Variants in CTNNA2 observed in about 807,000 individuals in gnomAD.
The protein encoded by CTNNA2 is catenin alpha-2.
In CTNNA2, 42 loss-of-function variants were observed where a neutral mutation model predicts 101.0. That is an observed-to-expected ratio of 0.42 (90% CI 0.32 to 0.54). CTNNA2 has a LOEUF of 0.54. CTNNA2 is among the 20% of genes least tolerant of loss of function. The pLI is 0.14. For synonymous variants in CTNNA2, 450 were observed against 456.4 expected (o/e 0.99, Z 0.18); for missense variants, 871 against 1,223.1 (o/e 0.71, Z 4.29).
At chr2:79,609,379 C>G (rs1487651241) in intron 1 of CTNNA2, among the ~76,000 whole-genome samples, 4 of 152,020 alleles carry the variant, frequency 2.6e-5, no homozygotes, top group Admixed American at 2.6e-4. Context: ...GTTCACCCTA[C>G]TTCAAATTGA....
intron 2 of CTNNA2, among the ~76,000 whole-genome samples, chr2:79,312,179 G>A (rs973484462): frequency 1.3e-5 from 2 of 152,260 alleles, no homozygotes; most frequent in Non-Finnish European, 2.9e-5. Flanking sequence ...AAAGTGCTGG[G>A]ATTATAAACA....
At chr2:79,316,941 A>G (rs1676511491) in intron 3 of CTNNA2, among the ~76,000 whole-genome samples, 1 of 152,016 alleles carries the variant, frequency 6.6e-6, no homozygotes. Context: ...GCTAAATGGA[A>G]TTGAAAAAAG....
intron 2 of CTNNA2, among the ~76,000 whole-genome samples, chr2:79,243,170 AC>A (rs1229436933): frequency 2.0e-5 from 3 of 151,978 alleles, no homozygotes; most frequent in Admixed American, 1.3e-4. Flanking sequence ...AAAGAGGAAA[AC>A]TTTTTAAAGC....
chr2:80,495,670 G>C (rs1223678472), intron 9 of CTNNA2, among the ~76,000 whole-genome samples: 1 of 152,146 alleles, frequency 6.6e-6, no homozygotes, highest in African/African-American at 2.4e-5. Context: ...AGGCACGGTT[G>C]GCTCACGCCT....
chr2:79,597,709 C>T (rs142011236), intron 1 of CTNNA2, among the ~76,000 whole-genome samples: 1 of 152,238 alleles, frequency 6.6e-6, no homozygotes, highest in African/African-American at 2.4e-5. Flanking sequence ...CATCCCCACA[C>T]GTGCACAGCC....
In CTNNA2 at chr2:79,760,906, C is replaced by A. The variant is rs563816076; in HGVS notation, c.298+16324C>A. Among the ~76,000 whole-genome samples the A allele has an allele frequency of 4.0e-5, 6 of 151,242 alleles. No individual in the cohort carries two copies. In the East Asian group the frequency reaches 1.2e-3, roughly 30 times the overall value. On this transcript the variant is annotated intron_variant, in intron 3 of 18. Transcript: ENST00000402739. ...GGTGTAGATACCAAGCAGGGTGTTA[C>A]GTGTGCCCTCTTGGGTACAATGGAG...
intron 3 of CTNNA2, among the ~76,000 whole-genome samples, chr2:79,808,364 CA>C (rs1201674801): frequency 6.6e-6 from 1 of 152,136 alleles, no homozygotes; most frequent in African/African-American, 2.4e-5. Context: ...GTTCCATTGC[CA>C]AAATTGCCCT....
intron 2 of CTNNA2, among the ~76,000 whole-genome samples, chr2:79,202,658 T>G (rs1367679654): frequency 6.6e-6 from 1 of 152,214 alleles, no homozygotes; most frequent in Admixed American, 6.5e-5. Context: ...CAATATTACA[T>G]CCCTTGTACT....
At chr2:80,143,370 G>A (rs745710195) in intron 7 of CTNNA2, among the ~76,000 whole-genome samples, 1 of 152,128 alleles carries the variant, frequency 6.6e-6, no homozygotes, top group Non-Finnish European at 1.5e-5. Flanking sequence ...TTCATACATT[G>A]TGGGATGATC....
intron 7 of CTNNA2, among the ~76,000 whole-genome samples, chr2:80,173,539 G>A (rs1705204151): frequency 6.6e-6 from 1 of 152,032 alleles, no homozygotes; most frequent in Non-Finnish European, 1.5e-5. Flanking sequence ...TTTAAGGAAG[G>A]GACAAATTTT....
intron 1 of CTNNA2, among the ~76,000 whole-genome samples, chr2:79,529,046 T>G (rs1199635005): frequency 6.6e-6 from 1 of 152,212 alleles, no homozygotes; most frequent in Non-Finnish European, 1.5e-5. Flanking sequence ...GATTCACATT[T>G]CAACAGGAAC....
At chr2:79,997,081 T>G (rs939337720) in intron 7 of CTNNA2, among the ~76,000 whole-genome samples, 1 of 152,072 alleles carries the variant, frequency 6.6e-6, no homozygotes, top group Non-Finnish European at 1.5e-5. Context: ...TATAACACTG[T>G]CCAATTGGTC....
At chr2:79,519,999 T>G (rs1011872740) in intron 1 of CTNNA2, among the ~76,000 whole-genome samples, 4 of 152,246 alleles carry the variant, frequency 2.6e-5, no homozygotes, top group Non-Finnish European at 5.9e-5. Context: ...TTAATATTTC[T>G]GCCTCAGGCA....
chr2:79,882,505 C>G (rs182352773), intron 6 of CTNNA2, among the ~76,000 whole-genome samples: 3 of 152,202 alleles, frequency 2.0e-5, no homozygotes, highest in African/African-American at 7.2e-5. Context: ...CTGCCACAGC[C>G]GGTGTGTTGG....
At chr2:79,930,905 C>T (rs1249956912) in intron 7 of CTNNA2, among the ~76,000 whole-genome samples, 1 of 152,336 alleles carries the variant, frequency 6.6e-6, no homozygotes, top group Admixed American at 6.5e-5. Context: ...TATTACTCAA[C>T]AGTATGAAGC....
intron 7 of CTNNA2, 45 bp downstream of exon 7, chr2:79,909,842 CTGCAATCGTGTTGCTCTT>C: frequency 6.5e-7 from 1 of 1,531,916 alleles, no homozygotes; most frequent in Non-Finnish European, 8.9e-7. Flanking sequence ...GGATTCTGTT[CTGCAATCGTGTTGCTCTT>C]TTGGAAGCAT....
rs1191192435 is a variant in CTNNA2, at chr2:79,687,450, T to TC, written c.102+35792_102+35793insC. 5.7e-6 allele frequency: 3 copies of TC among 522,708 alleles called. No homozygotes were observed. The African/African-American group carries it at 6.0e-5, about 10-fold the overall frequency. The allele number at this position is 522,708 out of a possible 1,614,324, so 32.4% of individuals were successfully genotyped here. On this transcript the variant is annotated intron_variant, in intron 2 of 18. Coordinates refer to ENST00000402739, the MANE Select transcript of CTNNA2 (RefSeq NM_001282597.3). ...AAAAGGTCATTTGGATCTGCTTTTT[T>TC]TTTTTTGTACCTTCAGATAATTTTG... is the stretch of plus-strand genomic sequence containing the variant.
At chr2:79,814,018 A>G (rs1440165990) in intron 3 of CTNNA2, among the ~76,000 whole-genome samples, 2 of 151,966 alleles carry the variant, frequency 1.3e-5, no homozygotes, top group Admixed American at 6.6e-5. Flanking sequence ...CATCGCTCCA[A>G]TCTCTGCCTT....
chr2:80,029,474 G>A (rs1249164588), intron 7 of CTNNA2: 1 of 152,072 alleles, frequency 6.6e-6, no homozygotes, highest in African/African-American at 2.4e-5. Context: ...CTAGCTTCAC[G>A]ACAGAAAGAG....
Sources: gnomAD v4.1 joint callset for allele counts (sites outside exome capture counted in the v4.1 genomes callset) on GRCh38, gnomAD v4.1.1 for gene constraint, MANE v1.5 for transcripts, NCBI Gene and HGNC (gene_info 2026-07-23, HGNC 2026-07-21) for gene names.